CEP162: variants seen among roughly 807,000 people sequenced by gnomAD.
The protein encoded by CEP162 is centrosomal protein 162, also known as centrosomal protein of 162 kDa.
A neutral mutation model predicts 169.2 loss-of-function variants in CEP162; 141 were observed. That is an observed-to-expected ratio of 0.83 (90% CI 0.73 to 0.96). CEP162 has a LOEUF of 0.96. Among genes scored for constraint, CEP162 ranks in the 40% least tolerant of loss-of-function variants. The probability of loss-of-function intolerance (pLI) is 0.00; values close to 1 mark genes in which losing one functional copy is unlikely to be tolerated. For synonymous variants in CEP162, 540 were observed against 526.4 expected, an observed-to-expected ratio of 1.03 and a Z score of -0.35; for missense variants, 1,600 against 1,587.2, an observed-to-expected ratio of 1.01 and a Z score of -0.14.
chr6:84,204,120 T>C (rs2099545763), intron 6 of CEP162, 24 bp from the exon 7 acceptor site: 2 of 1,397,802 alleles, frequency 1.4e-6, no homozygotes, highest in South Asian at 1.2e-5. Flanking sequence ...TTTTTAAAAG[T>C]ACAAAGACCA....
intron 7 of CEP162, among the ~76,000 whole-genome samples, chr6:84,203,501 G>A (rs974813841): frequency 1.2e-3 from 177 of 152,312 alleles, no homozygotes; most frequent in African/African-American, 4.0e-3. Flanking sequence ...CTGGAGTGCA[G>A]TGACATGATC....
chr6:84,160,984 C>T lies in CEP162; in HGVS notation c.2677-68G>A. ...TAACAGAAAAGCTCCAAGGGGAAAG[C>T]ATAATATTAGTGCACTCATACATTT... On this transcript the variant is annotated intron_variant, in intron 20 of 26. Transcript: ENST00000403245. 9.1e-6 allele frequency: 10 copies of T among 1,093,622 alleles called. No individual in the cohort carries two copies. In the South Asian group the frequency reaches 1.3e-4, roughly 14 times the overall value. 67.7% of individuals were successfully genotyped at this position (1,093,622 alleles called of 1,614,324 possible). A position where few individuals can be genotyped will look rare whatever the true frequency, so the allele number is the denominator to read the frequency against.
intron 24 of CEP162, among the ~76,000 whole-genome samples, chr6:84,149,265 C>T (rs2099520221): frequency 6.6e-6 from 1 of 151,876 alleles, no homozygotes; most frequent in South Asian, 2.1e-4. Context: ...TACCTCACCA[C>T]CTGTGACAAA....
At chr6:84,159,521 A>ATT (rs1226401066) in intron 21 of CEP162, among the ~76,000 whole-genome samples, 78 of 53,656 alleles carry the variant, frequency 1.5e-3, no homozygotes, top group African/African-American at 3.4e-3. Context: ...AAAATTAATT[A>ATT]TTTATATATA....
At position 84,152,731 on chromosome 6, in the gene CEP162, T is replaced by C; in HGVS notation, c.3443A>G (p.Asn1148Ser). 1 of 1,613,014 alleles carries C rather than the reference T, an allele frequency of 6.2e-7. No homozygotes were observed. ...GCTGTCCAGGGTTCCAGGGAAGGAGTTAGCATTTCCTTTACTTGAGTGCAA... is the reference window on the plus strand; with the variant it reads ...GCTGTCCAGGGTTCCAGGGAAGGAGCTAGCATTTCCTTTACTTGAGTGCAA... ...DVLHSSKGNANSFPGTLDSKL... is the reference protein window; with the variant it reads ...DVLHSSKGNASSFPGTLDSKL... Residue 1148 changes from asparagine (N) to serine (S), a missense_variant, in exon 23 of 27, where the codon AAC becomes AGC. By Grantham distance (46) the Asn-to-Ser change is conservative. Transcript: ENST00000403245.
chr6:84,188,798 G>C (rs117975834), intron 11 of CEP162, among the ~76,000 whole-genome samples: 2,437 of 152,254 alleles, frequency 0.016, 40 homozygotes, highest in Middle Eastern at 0.044. Flanking sequence ...AGTTCTTTGA[G>C]AAGTCGCCAA....
chr6:84,215,732 T>G, intron 4 of CEP162, 44 bp downstream of exon 4: 1 of 1,538,126 alleles, frequency 6.5e-7, no homozygotes, highest in Non-Finnish European at 8.8e-7. Flanking sequence ...AATATAAGCA[T>G]AACAATTAAT....
intron 6 of CEP162, among the ~76,000 whole-genome samples, chr6:84,206,708 A>G (rs2099547274): frequency 6.6e-6 from 1 of 152,218 alleles, no homozygotes; most frequent in East Asian, 1.9e-4. Flanking sequence ...ACAAAAGCCA[A>G]AATTGACAAA....
At chr6:84,179,752 A>G (rs986883109) in intron 13 of CEP162, among the ~76,000 whole-genome samples, 2 of 152,198 alleles carry the variant, frequency 1.3e-5, no homozygotes, top group Non-Finnish European at 2.9e-5. Flanking sequence ...GAAGAAATGG[A>G]TAAATTCCTG....
intron 2 of CEP162, among the ~76,000 whole-genome samples, chr6:84,222,674 C>G (rs563980962): frequency 3.0e-4 from 46 of 152,218 alleles, no homozygotes; most frequent in Non-Finnish European, 5.7e-4. Context: ...CTGACTAACT[C>G]CTGTCCACTT....
intron 3 of CEP162, among the ~76,000 whole-genome samples, chr6:84,218,949 C>T (rs971520025): frequency 2.0e-5 from 3 of 152,064 alleles, no homozygotes; most frequent in African/African-American, 7.2e-5. Flanking sequence ...ATAACAGAAA[C>T]GAAGATCCAG....
Position 84,174,807 on chromosome 6 carries a change from T to C in CEP162, c.1945A>G (p.Asn649Asp). The change falls in exon 15 of 27, where the codon AAT becomes GAT. Residue 649 changes from asparagine (N) to aspartate (D), a missense_variant. Physicochemically the swap from Asn to Asp is conservative, Grantham distance 23. Coordinates refer to ENST00000403245, the MANE Select transcript of CEP162 (RefSeq NM_014895.4). ...TGTTTCTTTAGTTCTTCCAACTTAT[T>C]TTCTAGTTCTTTCTCCTTTTCTGAG... Reference protein sequence around the residue: ...TFSEKEKELENKLEELKKQQE... With the variant: ...TFSEKEKELEDKLEELKKQQE... 1 of 1,591,228 alleles carries C rather than the reference T, an allele frequency of 6.3e-7. No individual in the cohort carries two copies. The highest frequency in any genetic ancestry group is 1.3e-5 in the African/African-American group (1 of 74,728).
At chr6:84,194,844 G>T in intron 10 of CEP162, 40 bp downstream of exon 10, 1 of 1,344,424 alleles carries the variant, frequency 7.4e-7, no homozygotes, top group South Asian at 1.2e-5. Context: ...TCTTTAGAAA[G>T]GATATCAAAT....
At position 84,212,986 on chromosome 6, in the gene CEP162, T is replaced by C; in HGVS notation, c.542A>G (p.Glu181Gly). Residue 181 changes from glutamate (E) to glycine (G), a missense_variant, in exon 6 of 27, where the codon GAG becomes GGG. Coordinates refer to ENST00000403245, the MANE Select transcript of CEP162 (RefSeq NM_014895.4). ...CAGTTCTTCATGTTTCGATTCATTC[T>C]CATGTTCGTCATCAGTTAGTTCTGC... ...ANAELTDDEH[E>G]NESKHEELAE... is the part of the protein sequence containing the mutation. 1 of 1,555,154 alleles carries C rather than the reference T, an allele frequency of 6.4e-7. No homozygotes were observed. Among genetic ancestry groups the C allele is most frequent in the East Asian group, 2.4e-5 (1 of 42,116 alleles).
intron 25 of CEP162, among the ~76,000 whole-genome samples, chr6:84,129,595 A>C (rs1051781609): frequency 1.3e-5 from 2 of 151,988 alleles, no homozygotes; most frequent in Non-Finnish European, 2.9e-5. Context: ...CCTTTGTCAG[A>C]TGGATAGATT....
intron 25 of CEP162, among the ~76,000 whole-genome samples, chr6:84,146,280 T>C (rs2099518824): frequency 6.6e-6 from 1 of 152,120 alleles, no homozygotes; most frequent in East Asian, 1.9e-4. Context: ...TTTCTCTTAT[T>C]AATCTGTCTT....
intron 13 of CEP162, among the ~76,000 whole-genome samples, chr6:84,176,250 A>C (rs1400917695): frequency 6.6e-6 from 1 of 152,200 alleles, no homozygotes; most frequent in Non-Finnish European, 1.5e-5. Flanking sequence ...ATATTTGGAA[A>C]ATATAGAGCA....
At chr6:84,135,174 T>C (rs536614947) in intron 25 of CEP162, among the ~76,000 whole-genome samples, 1 of 152,312 alleles carries the variant, frequency 6.6e-6, no homozygotes, top group South Asian at 2.1e-4. Context: ...ATACTAATTA[T>C]TATGTATTAA....
chr6:84,166,379 C>CTTTCTCAGAGAGAGCTT (rs2099527833), intron 18 of CEP162, among the ~76,000 whole-genome samples: 1 of 152,200 alleles, frequency 6.6e-6, no homozygotes, highest in South Asian at 2.1e-4. Flanking sequence ...TCAAACATCT[C>CTTTCTCAGAGAGAGCTT]TTTCTCAGAG....
Sources: allele counts gnomAD v4.1 joint callset (sites outside exome capture counted in the v4.1 genomes callset), GRCh38; gene constraint gnomAD v4.1.1; transcripts MANE v1.5; gene names NCBI Gene and HGNC (gene_info 2026-07-23, HGNC 2026-07-21).